The following CADM2 variants were observed in gnomAD, a reference collection of about 807,000 sequenced individuals.
The protein encoded by CADM2 is immunoglobulin superfamily member 4D.
Under a neutral mutation model 49.8 loss-of-function variants are expected in CADM2, and 12 were observed. The ratio of observed to expected loss-of-function variants is 0.24; its 90% CI spans 0.15 to 0.39. The LOEUF (loss-of-function observed/expected upper bound fraction) is 0.39, where lower values mean the gene tolerates loss of function less well. Ranked by LOEUF, CADM2 falls within the 10% of genes least tolerant of loss-of-function variation. The pLI is 1.00. For missense variants in CADM2, 378 were observed against 492.3 expected (o/e 0.77, Z 2.20); for synonymous variants, 214 against 175.4 (o/e 1.22, Z -1.74).
intron 6 of CADM2, among the ~76,000 whole-genome samples, chr3:85,929,538 C>T (rs1406284568): frequency 1.3e-5 from 2 of 151,760 alleles, no homozygotes; most frequent in Non-Finnish European, 2.9e-5. Context: ...ATATTAAGTG[C>T]ATAAATTTAA....
chr3:85,787,252 TCAAG>T (rs1368266535), intron 2 of CADM2, among the ~76,000 whole-genome samples: 1 of 152,090 alleles, frequency 6.6e-6, no homozygotes, highest in East Asian at 1.9e-4. Flanking sequence ...TTATACAAAC[TCAAG>T]CTAGTAAAAG....
intron 8 of CADM2, among the ~76,000 whole-genome samples, chr3:86,015,346 C>A (rs1279162057): frequency 3.9e-5 from 6 of 152,124 alleles, no homozygotes; most frequent in Non-Finnish European, 8.8e-5. Context: ...TTTCCTTCTG[C>A]GTGTACTCTG....
intron 1 of CADM2, among the ~76,000 whole-genome samples, chr3:85,715,113 CA>C (rs1247110597): frequency 4.6e-5 from 7 of 152,058 alleles, no homozygotes; most frequent in Non-Finnish European, 8.8e-5. Flanking sequence ...TCTATACACA[CA>C]TATATATATG....
At chr3:85,835,722 A>G (rs966382059) in intron 3 of CADM2, among the ~76,000 whole-genome samples, 10 of 145,590 alleles carry the variant, frequency 6.9e-5, no homozygotes, top group African/African-American at 2.5e-4. Flanking sequence ...GTGTATGTGT[A>G]TATATATATA....
chr3:85,990,450 A>G (rs1209412622), intron 8 of CADM2, among the ~76,000 whole-genome samples: 1 of 152,188 alleles, frequency 6.6e-6, no homozygotes, highest in Non-Finnish European at 1.5e-5. Flanking sequence ...ATCTGGACAT[A>G]ACGCCATCAT....
At chr3:85,245,317 C>T (rs887122840) in intron 1 of CADM2, among the ~76,000 whole-genome samples, 21 of 151,960 alleles carry the variant, frequency 1.4e-4, no homozygotes, top group Non-Finnish European at 1.8e-4. Flanking sequence ...TCGAGACCAT[C>T]CTGGCTAACA....
intron 9 of CADM2, 69 bp from the exon 10 acceptor site, chr3:86,066,596 A>G: frequency 1.7e-6 from 2 of 1,169,868 alleles, no homozygotes; most frequent in Non-Finnish European, 2.5e-6. Flanking sequence ...TTCCTAAATA[A>G]TGTAGCTTTA....
At chr3:86,022,256 G>A (rs943028743) in intron 8 of CADM2, among the ~76,000 whole-genome samples, 32 of 152,018 alleles carry the variant, frequency 2.1e-4, no homozygotes, top group Admixed American at 1.2e-3. Context: ...CTGAACTACA[G>A]ATGGTTCTTT....
At chr3:85,716,596 G>A (rs2067302359) in intron 1 of CADM2, among the ~76,000 whole-genome samples, 1 of 152,196 alleles carries the variant, frequency 6.6e-6, no homozygotes, top group East Asian at 1.9e-4. Context: ...GAATGTTATT[G>A]CCTAGGTTTT....
intron 1 of CADM2, among the ~76,000 whole-genome samples, chr3:85,055,069 A>G (rs918952766): frequency 6.6e-6 from 1 of 152,006 alleles, no homozygotes; most frequent in South Asian, 2.1e-4. Context: ...ATTGAATTTG[A>G]TGGGTCCTGT....
At chr3:85,434,396 T>C (rs2036830778) in intron 1 of CADM2, among the ~76,000 whole-genome samples, 1 of 151,956 alleles carries the variant, frequency 6.6e-6, no homozygotes, top group East Asian at 1.9e-4. Context: ...TAGTTATGAT[T>C]ATCTTTGAAA....
intron 1 of CADM2, among the ~76,000 whole-genome samples, chr3:84,996,711 A>G (rs2033197252): frequency 6.6e-6 from 1 of 152,068 alleles, no homozygotes; most frequent in Admixed American, 6.6e-5. Flanking sequence ...TAACTTTAGA[A>G]TATAGTCTAT....
chr3:85,530,331 T>G (rs1240286137), intron 1 of CADM2, among the ~76,000 whole-genome samples: 1 of 71,190 alleles, frequency 1.4e-5, no homozygotes, highest in Non-Finnish European at 3.7e-5. Flanking sequence ...CGTTTTTTTT[T>G]TTTTTTTTTT....
chr3:85,474,960 C>T (rs888040118), intron 1 of CADM2, among the ~76,000 whole-genome samples: 9 of 151,972 alleles, frequency 5.9e-5, no homozygotes, highest in Middle Eastern at 3.4e-3. Flanking sequence ...ATTTTATAGA[C>T]ATTGCTCTGA....
chr3:85,504,758 A>G (rs1426534671), intron 1 of CADM2, among the ~76,000 whole-genome samples: 2 of 152,176 alleles, frequency 1.3e-5, no homozygotes, highest in Non-Finnish European at 2.9e-5. Flanking sequence ...CGGGCCGCAC[A>G]GGAGCCCACG....
chr3:85,283,458 T>G (rs2043554613), intron 1 of CADM2, among the ~76,000 whole-genome samples: 1 of 151,894 alleles, frequency 6.6e-6, no homozygotes, highest in South Asian at 2.1e-4. Context: ...ACATGTGCAC[T>G]GAAAAATAGC....
intron 1 of CADM2, among the ~76,000 whole-genome samples, chr3:85,185,798 C>T (rs2041047282): frequency 6.6e-6 from 1 of 152,128 alleles, no homozygotes; most frequent in South Asian, 2.1e-4. Flanking sequence ...AAACGGGAGT[C>T]ATTTTGCTTC....
At chr3:86,058,971 A>G (rs1272769054) in intron 8 of CADM2, among the ~76,000 whole-genome samples, 1 of 151,562 alleles carries the variant, frequency 6.6e-6, no homozygotes, top group East Asian at 2.0e-4. Flanking sequence ...ATGCATGCCT[A>G]TAATCTCAGC....
At chr3:85,180,479 A>T (rs2040904271) in intron 1 of CADM2, among the ~76,000 whole-genome samples, 1 of 145,190 alleles carries the variant, frequency 6.9e-6, no homozygotes, top group South Asian at 2.3e-4. Context: ...ACTGCACTGC[A>T]GCCTGGATGA....
Sources: allele counts gnomAD v4.1 joint callset (sites outside exome capture counted in the v4.1 genomes callset), GRCh38; gene constraint gnomAD v4.1.1; transcripts MANE v1.5; gene names NCBI Gene and HGNC (gene_info 2026-07-23, HGNC 2026-07-21).